DSCAM: variants seen among roughly 807,000 people sequenced by gnomAD.
DSCAM encodes DS cell adhesion molecule.
A neutral mutation model predicts 217.7 loss-of-function variants in DSCAM; 47 were observed. The ratio of observed to expected loss-of-function variants is 0.22; its 90% CI spans 0.17 to 0.28. The LOEUF (loss-of-function observed/expected upper bound fraction) is 0.28, where lower values mean the gene tolerates loss of function less well. Ranked by LOEUF, DSCAM falls within the 10% of genes least tolerant of loss-of-function variation. The probability of loss-of-function intolerance (pLI) is 1.00; values close to 1 mark genes in which losing one functional copy is unlikely to be tolerated. For missense variants in DSCAM, 2,080 were observed against 2,618.3 expected (o/e 0.79, Z 4.49); for synonymous variants, 1,056 against 1,015.3 (o/e 1.04, Z -0.76).
At chr21:40,632,132 C>T (rs970421041) in intron 3 of DSCAM, among the ~76,000 whole-genome samples, 13 of 152,166 alleles carry the variant, frequency 8.5e-5, no homozygotes, top group Non-Finnish European at 1.3e-4. Flanking sequence ...ATGCTGGCTT[C>T]CAAGGCTGCT....
At chr21:40,325,757 T>C (rs2074310440) in intron 8 of DSCAM, among the ~76,000 whole-genome samples, 1 of 152,108 alleles carries the variant, frequency 6.6e-6, no homozygotes, top group African/African-American at 2.4e-5. Context: ...TTGTCACAAA[T>C]AGAAACACAG....
At chr21:40,530,326 A>G (rs1169392605) in intron 3 of DSCAM, among the ~76,000 whole-genome samples, 1 of 152,256 alleles carries the variant, frequency 6.6e-6, no homozygotes, top group East Asian at 1.9e-4. Context: ...TTTTGTTGAT[A>G]AACAAAACTA....
chr21:40,053,465 C>G (rs945745209), intron 29 of DSCAM, among the ~76,000 whole-genome samples: 1 of 152,206 alleles, frequency 6.6e-6, no homozygotes, highest in Admixed American at 6.5e-5. Context: ...CAGTTTCTAG[C>G]AGGCAGGCCC....
At chr21:40,140,196 G>A (rs2090272271) in intron 18 of DSCAM, among the ~76,000 whole-genome samples, 1 of 152,094 alleles carries the variant, frequency 6.6e-6, no homozygotes, top group South Asian at 2.1e-4. Flanking sequence ...ACCATTCGCA[G>A]GCAGGTTCAT....
chr21:40,382,442 A>T (rs906674020), intron 3 of DSCAM, among the ~76,000 whole-genome samples: 11 of 152,198 alleles, frequency 7.2e-5, no homozygotes, highest in Non-Finnish European at 1.0e-4. Flanking sequence ...ATAAGGCCAT[A>T]GGCTTGGTTG....
intron 1 of DSCAM, among the ~76,000 whole-genome samples, chr21:40,759,266 T>C (rs924836937): frequency 6.6e-6 from 1 of 151,954 alleles, no homozygotes; most frequent in African/African-American, 2.4e-5. Context: ...CTATCCTGAG[T>C]GCCCATCTCA....
chr21:40,421,905 T>G (rs765252339), intron 3 of DSCAM, among the ~76,000 whole-genome samples: 2 of 152,204 alleles, frequency 1.3e-5, no homozygotes, highest in Non-Finnish European at 2.9e-5. Context: ...CCTTGAGAAA[T>G]GTCCTATAGG....
intron 11 of DSCAM, among the ~76,000 whole-genome samples, chr21:40,266,240 G>A (rs2073525235): frequency 1.1e-5 from 1 of 90,638 alleles, no homozygotes; most frequent in Admixed American, 9.9e-5. Flanking sequence ...CCAAAAACGT[G>A]TGAAAAAACT....
Position 40,195,587 on chromosome 21 carries a change from C to T in DSCAM, c.2357-6349G>A, listed in dbSNP as rs114125896. 4.2e-3 allele frequency among the ~76,000 whole-genome samples: 645 copies of T among 152,210 alleles called. 3 individuals carry two copies. Among genetic ancestry groups the T allele is most frequent in the African/African-American group, 0.015 (611 of 41,540 alleles). On this transcript the variant is annotated intron_variant, in intron 11 of 32. Coordinates refer to ENST00000400454, the MANE Select transcript of DSCAM (RefSeq NM_001389.5). ...AGATGGCCAACTGTCCCAGGGTGTC[C>T]AGGACTTCCAGTGTTTTAACACAGG... is the stretch of plus-strand genomic sequence containing the variant.
chr21:40,313,089 C>A (rs2074157532), intron 8 of DSCAM, among the ~76,000 whole-genome samples: 1 of 148,462 alleles, frequency 6.7e-6, no homozygotes, highest in Non-Finnish European at 1.5e-5. Context: ...TGCACTCCAG[C>A]CTGGGTGACT....
At chr21:40,504,602 G>C (rs187046441) in intron 3 of DSCAM, among the ~76,000 whole-genome samples, 1 of 152,138 alleles carries the variant, frequency 6.6e-6, no homozygotes, top group African/African-American at 2.4e-5. Flanking sequence ...CTACATAGGC[G>C]ATGCGAAAGG....
At chr21:40,562,661 T>C (rs951744066) in intron 3 of DSCAM, among the ~76,000 whole-genome samples, 10 of 152,204 alleles carry the variant, frequency 6.6e-5, no homozygotes, top group African/African-American at 1.2e-4. Flanking sequence ...GAGTGAGCAA[T>C]TGAATATAAT....
At chr21:40,590,294 T>A (rs1231509869) in intron 3 of DSCAM, among the ~76,000 whole-genome samples, 2 of 152,218 alleles carry the variant, frequency 1.3e-5, no homozygotes, top group African/African-American at 4.8e-5. Flanking sequence ...ATATCCCCTA[T>A]TTAGTGCTCT....
intron 3 of DSCAM, among the ~76,000 whole-genome samples, chr21:40,604,378 ATAGT>A (rs2089203588): frequency 6.6e-6 from 1 of 152,088 alleles, no homozygotes; most frequent in Non-Finnish European, 1.5e-5. Flanking sequence ...TCTGTTAATC[ATAGT>A]TAAATTCCAT....
intron 2 of DSCAM, among the ~76,000 whole-genome samples, chr21:40,700,698 G>T (rs996870076): frequency 6.6e-6 from 1 of 150,784 alleles, no homozygotes; most frequent in Non-Finnish European, 1.5e-5. Context: ...CAATTTTCTG[G>T]AAGAATTTGT....
intron 20 of DSCAM, among the ~76,000 whole-genome samples, chr21:40,115,164 T>C (rs1390380229): frequency 3.9e-5 from 6 of 152,136 alleles, no homozygotes; most frequent in Admixed American, 1.3e-4. Flanking sequence ...GGAACCAACC[T>C]AAATGTCCAG....
chr21:40,729,748 A>G (rs1406249800), intron 1 of DSCAM, among the ~76,000 whole-genome samples: 2 of 152,254 alleles, frequency 1.3e-5, no homozygotes, highest in Non-Finnish European at 2.9e-5. Context: ...TGAAAAAACC[A>G]AACCAGAAAA....
chr21:40,042,434 G>C lies in DSCAM; in HGVS notation c.5623C>G (p.Pro1875Ala). ...CTTCCTCCATCCTGAGGTTTGGGGG[G>C]AGATGCAGTGAACCTGCAGATTCCC... ...ESGICRFTASPPKPQDGGRVM... is the reference protein window; with the variant it reads ...ESGICRFTASAPKPQDGGRVM... Residue 1875 changes from proline (P) to alanine (A), a missense_variant, in exon 32 of 33, where the codon CCC (proline) becomes GCC (alanine). Physicochemically the swap from Pro to Ala is conservative, Grantham distance 27. This residue lies in a region of DSCAM where 1,144 missense variants were observed against 1,421.1 expected (regional missense o/e 0.81). Transcript: ENST00000400454. 1 of 1,614,212 alleles carries C rather than the reference G, an allele frequency of 6.2e-7. No individual in the cohort carries two copies. Among genetic ancestry groups the C allele is most frequent in the Non-Finnish European group, 8.5e-7 (1 of 1,180,046 alleles).
chr21:40,285,436 G>A (rs147948821), intron 10 of DSCAM, among the ~76,000 whole-genome samples: 32 of 152,252 alleles, frequency 2.1e-4, no homozygotes, highest in South Asian at 4.1e-4. Flanking sequence ...TGTCCTGGTG[G>A]CTCCACCAAG....
Sources: allele counts gnomAD v4.1 joint callset (sites outside exome capture counted in the v4.1 genomes callset), GRCh38; gene constraint gnomAD v4.1.1; regional missense constraint gnomAD v4.1.1; transcripts MANE v1.5; gene names NCBI Gene and HGNC (gene_info 2026-07-23, HGNC 2026-07-21).